ZNF446: variants seen among roughly 807,000 people sequenced by gnomAD.
ZNF446 encodes zinc finger protein with KRAB and SCAN domains 20.
ZNF446 carries 42 observed loss-of-function variants against 34.0 expected under a neutral mutation model. The ratio of observed to expected loss-of-function variants is 1.23; its 90% CI spans 0.96 to 1.60. The LOEUF (loss-of-function observed/expected upper bound fraction) is 1.60. Among genes scored for constraint, ZNF446 ranks in the 40% most tolerant of loss-of-function variants. ZNF446 has a pLI of 0.00. For synonymous variants in ZNF446, 315 were observed against 251.0 expected (o/e 1.25, Z -2.41); for missense variants, 650 against 600.2 (o/e 1.08, Z -0.87).
At chr19:58,483,327 A>G (rs1174215757), downstream of ZNF446, among the ~76,000 whole-genome samples, 1 of 152,216 alleles carries the variant, frequency 6.6e-6, no homozygotes, top group Non-Finnish European at 1.5e-5. Context: ...CTGTACTAAA[A>G]AAAATACAAA....
chr19:58,486,088 CT>C (rs71190045), downstream of ZNF446, among the ~76,000 whole-genome samples: 24,295 of 83,394 alleles, frequency 0.29, 1,723 homozygotes, highest in Middle Eastern at 0.48. Context: ...AGCTAACTTT[CT>C]TTTTTTTTTT....
chr19:58,486,231 T>G, the ZNF446 span, among the ~76,000 whole-genome samples: 1 of 150,974 alleles, frequency 6.6e-6, no homozygotes, highest in Non-Finnish European at 1.5e-5. Flanking sequence ...TAGCTGAGAC[T>G]ACAGGCACGT....
Position 58,480,402 on chromosome 19 carries a change from G to C in ZNF446, c.1029G>C (p.Trp343Cys). The C allele has an allele frequency of 2.5e-6, 4 of 1,612,912 alleles. No homozygotes were observed. Among genetic ancestry groups the C allele is most frequent in the Non-Finnish European group, 3.4e-6 (4 of 1,179,948 alleles). ...TCEQCGRGFD[W>C]KSVFVIHHRT... ...AGCAGTGTGGCCGCGGCTTCGACTG[G>C]AAGTCAGTGTTCGTCATCCACCACC... Residue 343 changes from tryptophan to cysteine, a missense_variant, in exon 7 of 7, where the codon TGG becomes TGC. Coordinates refer to ENST00000594369, the MANE Select transcript of ZNF446 (RefSeq NM_017908.4). This position sits in a 1 kb window ranked among gnomAD's most constrained non-coding sequence, Gnocchi z 7.2.
chr19:58,482,884 T>C (rs2053149833), downstream of ZNF446, among the ~76,000 whole-genome samples: 1 of 152,204 alleles, frequency 6.6e-6, no homozygotes, highest in South Asian at 2.1e-4. Context: ...TATAGAAGGC[T>C]GTGAAAGGGC....
chr19:58,479,890 A>T (rs1322744320), intron 5 of ZNF446, 40 bp from the exon 6 acceptor site: 6 of 1,513,906 alleles, frequency 4.0e-6, no homozygotes, highest in South Asian at 3.6e-5. Context: ...CCCCTCCTTC[A>T]TGCAAACCCC....
the ZNF446 span, among the ~76,000 whole-genome samples, chr19:58,488,470 T>A: frequency 6.6e-6 from 1 of 151,076 alleles, no homozygotes; most frequent in African/African-American, 2.4e-5. Context: ...CACATCAATA[T>A]AACGTGATGG....
At position 58,479,063 on chromosome 19, in the gene ZNF446, G is replaced by C. The variant is rs765921515; in HGVS notation, c.628-580G>C. Among the ~76,000 whole-genome samples, 74 of 152,174 alleles carry C rather than the reference G, an allele frequency of 4.9e-4. 1 individual carries two copies. Among genetic ancestry groups the C allele is most frequent in the Non-Finnish European group, 1.3e-4 (9 of 68,026 alleles). ...TCCCGGCTCCTCTAACAACTCCACT[G>C]GGGAGCTTCAGCAGCAACATTGCTG... On this transcript the variant is annotated intron_variant, in intron 4 of 6. Coordinates refer to ENST00000594369, the MANE Select transcript of ZNF446 (RefSeq NM_017908.4).
downstream of ZNF446, among the ~76,000 whole-genome samples, chr19:58,485,149 C>T (rs943978437): frequency 3.3e-5 from 5 of 152,000 alleles, no homozygotes; most frequent in Non-Finnish European, 5.9e-5. Flanking sequence ...GAAAAAACGA[C>T]AAGTAGGGAA....
chr19:58,481,690 TA>T (rs2122453644), downstream of ZNF446, among the ~76,000 whole-genome samples: 1 of 152,342 alleles, frequency 6.6e-6, no homozygotes, highest in South Asian at 2.1e-4. Flanking sequence ...GTTGCTGCTT[TA>T]ACAAACTTGG....
chr19:58,478,056 A>G, intron 3 of ZNF446, 31 bp from the exon 4 acceptor site: 1 of 1,590,278 alleles, frequency 6.3e-7, no homozygotes, highest in Non-Finnish European at 8.6e-7. Flanking sequence ...GCAGCCCCTG[A>G]CACCACCCTT....
downstream of ZNF446, among the ~76,000 whole-genome samples, chr19:58,486,104 T>C (rs1256813090): frequency 6.8e-6 from 1 of 146,142 alleles, no homozygotes; most frequent in Non-Finnish European, 1.5e-5. Flanking sequence ...TTTTTTTTTT[T>C]TTTTTTTGAG....
the ZNF446 span, among the ~76,000 whole-genome samples, chr19:58,487,447 A>G: frequency 6.6e-6 from 1 of 152,212 alleles, no homozygotes; most frequent in Non-Finnish European, 1.5e-5. Flanking sequence ...CATAAATAAA[A>G]GATAAGCAAA....
At chr19:58,485,969 A>C (rs1179372146), downstream of ZNF446, among the ~76,000 whole-genome samples, 2 of 151,866 alleles carry the variant, frequency 1.3e-5, no homozygotes, top group Non-Finnish European at 2.9e-5. Flanking sequence ...ACCCGGGGTG[A>C]AGTGTAGTGT....
At position 58,479,937 on chromosome 19, in the gene ZNF446, G is replaced by C; in HGVS notation, c.720G>C (p.Pro240=). The part of the protein sequence containing the change: ...KYGTVVSLGL[P]PHQPEAQAQS... Reference sequence around the variant, plus strand: ...TGCCCCCCACCCGGGCAGGGTTACCGCCCCACCAGCCAGAGGCACAGGCCC... The same window carrying C: ...TGCCCCCCACCCGGGCAGGGTTACCCCCCCACCAGCCAGAGGCACAGGCCC... The change falls in exon 6 of 7, where the codon CCG becomes CCC. Residue 240 remains proline, a synonymous_variant. Transcript: ENST00000594369. 6.3e-7 allele frequency: 1 copy of C among 1,577,422 alleles called. No individual in the cohort carries two copies. Among genetic ancestry groups the C allele is most frequent in the Non-Finnish European group, 8.6e-7 (1 of 1,164,760 alleles).
downstream of ZNF446, among the ~76,000 whole-genome samples, chr19:58,485,345 CA>C (rs72492218): frequency 0.21 from 25,750 of 120,396 alleles, 2,182 homozygotes; most frequent in Non-Finnish European, 0.22. Context: ...ACTAAAAATA[CA>C]AAAAAAAAAA....
rs1343857175 is a variant in ZNF446 at position 58,479,920 on chromosome 19, AC to A, written c.713-7del. 2 of 1,558,124 alleles carry A rather than the reference AC, an allele frequency of 1.3e-6. No homozygotes were observed. The highest frequency in any genetic ancestry group is 1.7e-6 in the Non-Finnish European group (2 of 1,155,092). ...AACCCCATGCCTAACTGTGCCCCCC[AC>A]CCGGGCAGGGTTACCGCCCCACCAG... On this transcript the variant is annotated splice_polypyrimidine_tract_variant and intron_variant, in intron 5 of 6. Coordinates refer to ENST00000594369, the MANE Select transcript of ZNF446 (RefSeq NM_017908.4).
the ZNF446 span, among the ~76,000 whole-genome samples, chr19:58,487,714 CAGG>C: frequency 6.6e-6 from 1 of 152,118 alleles, no homozygotes; most frequent in African/African-American, 2.4e-5. Context: ...GAGGCTGAGA[CAGG>C]AGAATCTCAT....
At chr19:58,486,149 A>G (rs1449494635), downstream of ZNF446, among the ~76,000 whole-genome samples, 2 of 134,446 alleles carry the variant, frequency 1.5e-5, no homozygotes, top group Admixed American at 1.7e-4. Flanking sequence ...GCTGGAATGC[A>G]GTGGTGTGAT....
chr19:58,488,552 T>TTA, the ZNF446 span, among the ~76,000 whole-genome samples: 52 of 100,304 alleles, frequency 5.2e-4, no homozygotes, highest in Admixed American at 7.9e-4. Context: ...ATGACTATGA[T>TTA]AAAAAAAAAA....
Sources: gnomAD v4.1 joint callset for allele counts (sites outside exome capture counted in the v4.1 genomes callset) on GRCh38, gnomAD v4.1.1 for gene constraint, Gnocchi (gnomAD v3.1) non-coding constraint, MANE v1.5 for transcripts, NCBI Gene and HGNC (gene_info 2026-07-23, HGNC 2026-07-21) for gene names.